The following BCAS3 variants were observed in gnomAD, a reference collection of about 807,000 sequenced individuals.
The protein encoded by BCAS3 is BCAS4/BCAS3 fusion.
A neutral mutation model predicts 116.1 loss-of-function variants in BCAS3; 53 were observed. That is an observed-to-expected ratio of 0.46 (90% CI 0.37 to 0.57). The LOEUF is 0.57. Ranked by LOEUF, BCAS3 falls within the 20% of genes least tolerant of loss-of-function variation. BCAS3 has a pLI of 0.00. For synonymous variants in BCAS3, 391 were observed against 408.2 expected (o/e 0.96, Z 0.51); for missense variants, 917 against 1,165.4 (o/e 0.79, Z 3.10).
intron 14 of BCAS3, among the ~76,000 whole-genome samples, chr17:60,957,528 A>G (rs1304346749): frequency 2.6e-5 from 4 of 152,146 alleles, no homozygotes; most frequent in East Asian, 1.9e-4. Context: ...ATTTTTATTG[A>G]GATATAATTT....
At chr17:61,262,912 G>A (rs751746257) in intron 22 of BCAS3, among the ~76,000 whole-genome samples, 2 of 151,348 alleles carry the variant, frequency 1.3e-5, no homozygotes, top group Non-Finnish European at 2.9e-5. Flanking sequence ...GGCTGGTCTC[G>A]AATTCCTGAC....
intron 13 of BCAS3, among the ~76,000 whole-genome samples, chr17:60,936,304 T>C (rs2059922650): frequency 6.8e-6 from 1 of 148,052 alleles, no homozygotes; most frequent in South Asian, 2.1e-4. Flanking sequence ...TTGTGAATAG[T>C]GCCATAATAA....
intron 5 of BCAS3, among the ~76,000 whole-genome samples, chr17:60,725,263 T>G (rs1323405724): frequency 6.6e-6 from 1 of 152,224 alleles, no homozygotes; most frequent in Non-Finnish European, 1.5e-5. Flanking sequence ...TTTAATTGTC[T>G]GCTTTTGAAT....
At chr17:61,036,818 A>T (rs1446317825) in intron 17 of BCAS3, among the ~76,000 whole-genome samples, 1 of 152,198 alleles carries the variant, frequency 6.6e-6, no homozygotes, top group Non-Finnish European at 1.5e-5. Flanking sequence ...GCTGATCTTC[A>T]TTTACCATGG....
At chr17:61,247,505 T>TATA (rs777884250) in intron 22 of BCAS3, among the ~76,000 whole-genome samples, 2 of 152,158 alleles carry the variant, frequency 1.3e-5, no homozygotes, top group African/African-American at 2.4e-5. Flanking sequence ...GGGCTAAAGA[T>TATA]AGAAAGTAAA....
At position 61,282,722 on chromosome 17, in the gene BCAS3, A is replaced by G. The variant is rs2051348868; in HGVS notation, c.2426-85605A>G. ...GAATCAGACCCTTCCAGAAGTCTCT[A>G]TACCTCACTTTGAGAGAATTTCCAT... On this transcript the variant is annotated intron_variant, in intron 22 of 23. Transcript: ENST00000407086. The surrounding 1 kb of genome is among the most constrained non-coding windows in gnomAD (Gnocchi z 5.9). Among the ~76,000 whole-genome samples the G allele has an allele frequency of 6.6e-6, 1 of 152,202 alleles. No homozygotes were observed. Among genetic ancestry groups the G allele is most frequent in the African/African-American group, 2.4e-5 (1 of 41,462 alleles).
rs2073902718 is a variant in BCAS3 at position 61,095,391 on chromosome 17, C to A, written c.2425+10827C>A. On this transcript the variant is annotated intron_variant, in intron 22 of 23. Coordinates refer to ENST00000407086, the MANE Select transcript of BCAS3 (RefSeq NM_017679.5). The surrounding 1 kb of genome is among the most constrained non-coding windows in gnomAD (Gnocchi z 4.7). Reference sequence around the variant, plus strand: ...ATCATTGTTTTTAAATTAGCTGATACATAATTGTATTAAATGTTGATAGAT... The same window carrying A: ...ATCATTGTTTTTAAATTAGCTGATAAATAATTGTATTAAATGTTGATAGAT... Among the ~76,000 whole-genome samples, 1 of 152,126 alleles carries A rather than the reference C, an allele frequency of 6.6e-6. No individual in the cohort carries two copies. Among genetic ancestry groups the A allele is most frequent in the Admixed American group, 6.5e-5 (1 of 15,280 alleles).
rs1395236017 is a variant in BCAS3 at position 61,104,339 on chromosome 17, T to A, written c.2425+19775T>A. Among the ~76,000 whole-genome samples the A allele has an allele frequency of 6.6e-6, 1 of 152,122 alleles. No individual in the cohort carries two copies. Among genetic ancestry groups the A allele is most frequent in the African/African-American group, 2.4e-5 (1 of 41,424 alleles). ...CTGCTTTTATTTTTTAAAAACTTTT[T>A]AAAAAAAGTTTTTCATATAACTTTT... On this transcript the variant is annotated intron_variant, in intron 22 of 23. Transcript: ENST00000407086. This position sits in a 1 kb window ranked among gnomAD's most constrained non-coding sequence, Gnocchi z 4.1.
chr17:61,276,677 G>T lies in BCAS3; in HGVS notation c.2426-91650G>T, dbSNP rs948449662. On this transcript the variant is annotated intron_variant, in intron 22 of 23. Coordinates refer to ENST00000407086, the MANE Select transcript of BCAS3 (RefSeq NM_017679.5). This position sits in a 1 kb window ranked among gnomAD's most constrained non-coding sequence, Gnocchi z 4.2. ...CTCTATCAAAATCTCTATCAAATAA[G>T]CTGACTTATTTGCAGAAATTGACAA... Among the ~76,000 whole-genome samples, 2 of 152,204 alleles carry T rather than the reference G, an allele frequency of 1.3e-5. No homozygotes were observed. Among genetic ancestry groups the T allele is most frequent in the South Asian group, 4.1e-4 (2 of 4,822 alleles).
intron 14 of BCAS3, among the ~76,000 whole-genome samples, chr17:60,948,126 T>G (rs933501096): frequency 6.6e-6 from 1 of 152,132 alleles, no homozygotes; most frequent in Non-Finnish European, 1.5e-5. Context: ...TTTTTTTGAG[T>G]TGGAGTCTCG....
At chr17:60,862,764 T>A (rs894713911) in intron 7 of BCAS3, among the ~76,000 whole-genome samples, 10 of 152,202 alleles carry the variant, frequency 6.6e-5, no homozygotes, top group Admixed American at 4.6e-4. Context: ...GCCTTCCTAG[T>A]AGCTGAGACT....
intron 5 of BCAS3, among the ~76,000 whole-genome samples, chr17:60,721,800 C>G (rs1428636575): frequency 1.3e-5 from 2 of 152,022 alleles, no homozygotes; most frequent in Non-Finnish European, 2.9e-5. Flanking sequence ...GGATTAAGAT[C>G]TAGAATATTT....
In BCAS3 at chr17:61,162,763, G is replaced by A. The variant is rs192445019; in HGVS notation, c.2425+78199G>A. 7.2e-5 allele frequency among the ~76,000 whole-genome samples: 11 copies of A among 152,328 alleles called. No individual in the cohort carries two copies. Among genetic ancestry groups the A allele is most frequent in the East Asian group, 1.9e-4 (1 of 5,184 alleles). On this transcript the variant is annotated intron_variant, in intron 22 of 23. Coordinates refer to ENST00000407086, the MANE Select transcript of BCAS3 (RefSeq NM_017679.5). The surrounding 1 kb of genome is among the most constrained non-coding windows in gnomAD (Gnocchi z 5.6). ...TTGGGGAGGAGCAACGTCTCCAGCC[G>A]AGGCTGCAACCCGAGGAACCACTCC...
Position 61,302,638 on chromosome 17 carries a change from T to TAAGATTTAG in BCAS3, c.2426-65688_2426-65680dup, listed in dbSNP as rs2053541936. ...ACTCCCATTTTCTTGCTAAGGAAACTAAGATTTAGGTTACATTGATGAGTG... is the reference window on the plus strand; with the variant it reads ...ACTCCCATTTTCTTGCTAAGGAAACTAAGATTTAGAAGATTTAGGTTACATTGATGAGTG... On this transcript the variant is annotated intron_variant, in intron 22 of 23. Transcript: ENST00000407086. The surrounding 1 kb of genome is among the most constrained non-coding windows in gnomAD (Gnocchi z 4.4). Among the ~76,000 whole-genome samples the TAAGATTTAG allele has an allele frequency of 6.6e-6, 1 of 152,196 alleles. No individual in the cohort carries two copies. Among genetic ancestry groups the TAAGATTTAG allele is most frequent in the African/African-American group, 2.4e-5 (1 of 41,456 alleles).
Position 61,034,496 on chromosome 17 carries a change from A to G in BCAS3, c.1638-170A>G. 3 of 520,188 alleles carry G rather than the reference A, an allele frequency of 5.8e-6. No homozygotes were observed. Among genetic ancestry groups the G allele is most frequent in the Non-Finnish European group, 9.6e-6 (3 of 312,874 alleles). 32.2% of individuals were successfully genotyped at this position (520,188 alleles called of 1,614,324 possible). A position where few individuals can be genotyped will look rare whatever the true frequency, so the allele number is the denominator to read the frequency against. On this transcript the variant is annotated intron_variant, in intron 16 of 23. Transcript: ENST00000407086. This position sits in a 1 kb window ranked among gnomAD's most constrained non-coding sequence, Gnocchi z 5.0. The stretch of plus-strand genomic sequence containing the variant: ...AACTCTGGAACTTTGAAATAATTCT[A>G]CTTTTACTCCAGAACATAGTCTCAC...
chr17:60,891,763 C>T, intron 10 of BCAS3: 1 of 455,730 alleles, frequency 2.2e-6, no homozygotes, highest in Non-Finnish European at 4.4e-6. Flanking sequence ...AGATATTGAA[C>T]ATTGTACCCC....
At chr17:60,801,384 A>T (rs1272343981) in intron 6 of BCAS3, among the ~76,000 whole-genome samples, 3 of 151,544 alleles carry the variant, frequency 2.0e-5, no homozygotes, top group East Asian at 1.9e-4. Context: ...GTTTTTTTTT[A>T]ATTTTTTTTG....
At chr17:60,783,442 C>T (rs1381472124) in intron 6 of BCAS3, among the ~76,000 whole-genome samples, 2 of 151,978 alleles carry the variant, frequency 1.3e-5, no homozygotes, top group Non-Finnish European at 2.9e-5. Flanking sequence ...TGGGCTCAGG[C>T]AGTCTGCCTG....
intron 5 of BCAS3, among the ~76,000 whole-genome samples, chr17:60,729,617 G>A (rs2040259887): frequency 6.6e-6 from 1 of 152,012 alleles, no homozygotes; most frequent in African/African-American, 2.4e-5. Flanking sequence ...AATATAAACA[G>A]TTTCTCCTTG....
Sources: allele counts gnomAD v4.1 joint callset (sites outside exome capture counted in the v4.1 genomes callset), GRCh38; gene constraint gnomAD v4.1.1; non-coding constraint Gnocchi (gnomAD v3.1); transcripts MANE v1.5; gene names NCBI Gene and HGNC (gene_info 2026-07-23, HGNC 2026-07-21).